The following TMED8 variants were observed in gnomAD, a reference collection of about 807,000 sequenced individuals.
TMED8 encodes transmembrane p24 trafficking protein family member 8.
A neutral mutation model predicts 32.7 loss-of-function variants in TMED8; 15 were observed. The ratio of observed to expected loss-of-function variants is 0.46; its 90% CI spans 0.31 to 0.71. The LOEUF is 0.71. TMED8 is among the 30% of genes least tolerant of loss of function. TMED8 has a pLI of 0.06. For missense variants in TMED8, 390 were observed against 423.9 expected, an observed-to-expected ratio of 0.92 and a Z score of 0.70; for synonymous variants, 147 against 161.4, an observed-to-expected ratio of 0.91 and a Z score of 0.68.
rs959936219 is a variant in TMED8, at chr14:77,349,173, T to C, written c.197+2500A>G. On this transcript the variant is annotated intron_variant, in intron 2 of 5. Coordinates refer to ENST00000216468, the MANE Select transcript of TMED8 (RefSeq NM_213601.3). ...TCGCCCAAGCTGGGGTGTAGTGGCA[T>C]GATCTCGGATCTCGGCTCACTGCAA... Among the ~76,000 whole-genome samples, 4 of 140,064 alleles carry C rather than the reference T, an allele frequency of 2.9e-5. No homozygotes were observed. The Admixed American group carries it at 3.2e-4, about 11-fold the overall frequency. 91.9% of individuals were successfully genotyped at this position (140,064 alleles called of 152,430 possible).
At chr14:77,344,121 C>G (rs181848226) in intron 3 of TMED8, among the ~76,000 whole-genome samples, 1 of 152,330 alleles carries the variant, frequency 6.6e-6, no homozygotes, top group African/African-American at 2.4e-5. Context: ...AGGTTGTTAA[C>G]AGTATTTGCA....
In TMED8 at chr14:77,376,483, G is replaced by A. The variant is rs757538658; in HGVS notation, c.118+453C>T. ...GGCAAGGCTGCCAACCCGGGTGGGG[G>A]CCGAGAGGCGCGTGGTAAGGCTGGG... On this transcript the variant is annotated intron_variant, in intron 1 of 5. Coordinates refer to ENST00000216468, the MANE Select transcript of TMED8 (RefSeq NM_213601.3). This position sits in a 1 kb window ranked among gnomAD's most constrained non-coding sequence, Gnocchi z 4.0. 1.3e-5 allele frequency among the ~76,000 whole-genome samples: 2 copies of A among 152,226 alleles called. No individual in the cohort carries two copies. The highest frequency in any genetic ancestry group is 2.4e-5 in the African/African-American group (1 of 41,460).
chr14:77,358,120 T>C (rs1349981521), intron 1 of TMED8, among the ~76,000 whole-genome samples: 19 of 92,812 alleles, frequency 2.0e-4, no homozygotes, highest in African/African-American at 8.3e-4. Flanking sequence ...TGAGGCTCTG[T>C]CTCCAAAAAA....
chr14:77,341,775 C>G lies in TMED8; in HGVS notation c.974G>C (p.Ser325Thr), dbSNP rs777979008. Residue 325 changes from serine (S) to threonine (T), a missense_variant, in exon 6 of 6, where the codon AGC becomes ACC. Ser to Thr is a moderately conservative substitution (Grantham distance 58). Transcript: ENST00000216468. The stretch of plus-strand genomic sequence containing the variant: ...TGCCCCTGTCCCAGCAGTCCTTCAG[C>G]TGGTGTAGTAGATGTGGAAGTAGAG... ...KTLYFHIYYT[S>T] 6.2e-7 allele frequency: 1 copy of G among 1,614,202 alleles called. No homozygotes were observed. The highest frequency in any genetic ancestry group is 8.5e-7 in the Non-Finnish European group (1 of 1,180,022).
rs1292304664 is a variant in TMED8 at position 77,341,785 on chromosome 14, A to G, written c.964T>C (p.Tyr322His). 1.2e-6 allele frequency: 2 copies of G among 1,614,144 alleles called. No individual in the cohort carries two copies. Among genetic ancestry groups the G allele is most frequent in the Admixed American group, 3.3e-5 (2 of 60,020 alleles). The change falls in exon 6 of 6, where the codon TAC becomes CAC. Residue 322 changes from tyrosine (Y) to histidine (H), a missense_variant. Tyr to His is a moderately conservative substitution (Grantham distance 83, BLOSUM62 2). Coordinates refer to ENST00000216468, the MANE Select transcript of TMED8 (RefSeq NM_213601.3). Reference sequence around the variant, plus strand: ...CCAGCAGTCCTTCAGCTGGTGTAGTAGATGTGGAAGTAGAGAGTCTTGTTG... The same window carrying G: ...CCAGCAGTCCTTCAGCTGGTGTAGTGGATGTGGAAGTAGAGAGTCTTGTTG... ...LRNKTLYFHI[Y>H]YTS
Position 77,340,802 on chromosome 14 carries a change from T to C in TMED8, c.*969A>G, listed in dbSNP as rs1892878190. ...GAAACCTGATTGGGTTTCACTGCAT[T>C]TGATTCCAAAGCAACATTTCTAAAC... On this transcript the variant is annotated 3_prime_UTR_variant, in exon 6 of 6. Coordinates refer to ENST00000216468, the MANE Select transcript of TMED8 (RefSeq NM_213601.3). 6.6e-6 allele frequency: 1 copy of C among 152,194 alleles called. No individual in the cohort carries two copies. Among genetic ancestry groups the C allele is most frequent in the Non-Finnish European group, 1.5e-5 (1 of 68,036 alleles). 9.4% of individuals were successfully genotyped at this position (152,194 alleles called of 1,614,324 possible). A position where few individuals can be genotyped will look rare whatever the true frequency, so the allele number is the denominator to read the frequency against.
At chr14:77,368,598 C>A (rs1215130265) in intron 1 of TMED8, among the ~76,000 whole-genome samples, 1 of 152,168 alleles carries the variant, frequency 6.6e-6, no homozygotes, top group Non-Finnish European at 1.5e-5. Flanking sequence ...CGGCCTCAGC[C>A]TCCCTAGTAG....
Position 77,376,992 on chromosome 14 carries a change from G to A in TMED8, c.62C>T (p.Ser21Leu). ...CTGGCAGTCCCCGACGCCGCCAGCCGACCCTGGGCGGGCTGTGGGGCTCCA... is the reference window on the plus strand; with the variant it reads ...CTGGCAGTCCCCGACGCCGCCAGCCAACCCTGGGCGGGCTGTGGGGCTCCA... ...GSWSPTARPG[S>L]AGGVGDCQGV... Residue 21 changes from serine (S) to leucine (L), a missense_variant, in exon 1 of 6, where the codon TCG becomes TTG. Transcript: ENST00000216468. This position sits in a 1 kb window ranked among gnomAD's most constrained non-coding sequence, Gnocchi z 4.0. 2 of 1,440,932 alleles carry A rather than the reference G, an allele frequency of 1.4e-6. No individual in the cohort carries two copies. The highest frequency in any genetic ancestry group is 1.5e-5 in the African/African-American group (1 of 67,278). The allele number at this position is 1,440,932 out of a possible 1,614,324, so 89.3% of individuals were successfully genotyped here.
At chr14:77,342,025 G>C (rs776186023) in intron 5 of TMED8, 37 bp from the exon 6 acceptor site, 17 of 1,594,106 alleles carry the variant, frequency 1.1e-5, no homozygotes, top group Admixed American at 8.5e-5. Flanking sequence ...CAGAGACTGC[G>C]TAAGTCCTGC....
chr14:77,364,678 C>T (rs1893511259), intron 1 of TMED8, among the ~76,000 whole-genome samples: 1 of 152,188 alleles, frequency 6.6e-6, no homozygotes, highest in African/African-American at 2.4e-5. Flanking sequence ...CAGGCACCCT[C>T]ACCACCCCCA....
chr14:77,360,465 C>T (rs1377691978), intron 1 of TMED8, among the ~76,000 whole-genome samples: 3 of 150,848 alleles, frequency 2.0e-5, no homozygotes, highest in African/African-American at 7.3e-5. Flanking sequence ...CTTTTTGTGT[C>T]TGGCTTATTT....
At position 77,346,249 on chromosome 14, in the gene TMED8, G is replaced by C. The variant is rs931252467; in HGVS notation, c.327+100C>G. 2.3e-6 allele frequency: 3 copies of C among 1,278,412 alleles called. No individual in the cohort carries two copies. In the East Asian group the frequency reaches 7.5e-5, roughly 32 times the overall value. The allele number at this position is 1,278,412 out of a possible 1,614,324, so 79.2% of individuals were successfully genotyped here. ...AATTAGAGGGCAAAGAGAGAATTCCGGGAGCCACCCTCGCAGTGCTTTCTA... is the reference window on the plus strand; with the variant it reads ...AATTAGAGGGCAAAGAGAGAATTCCCGGAGCCACCCTCGCAGTGCTTTCTA... On this transcript the variant is annotated intron_variant, in intron 3 of 5. Transcript: ENST00000216468.
At chr14:77,364,468 C>T (rs1411529404) in intron 1 of TMED8, among the ~76,000 whole-genome samples, 1 of 152,118 alleles carries the variant, frequency 6.6e-6, no homozygotes, top group Non-Finnish European at 1.5e-5. Context: ...TGGTCTCAAA[C>T]TCCTAGGCTC....
intron 2 of TMED8, among the ~76,000 whole-genome samples, chr14:77,350,773 C>T (rs1329295091): frequency 4.6e-5 from 7 of 152,040 alleles, no homozygotes; most frequent in Admixed American, 2.6e-4. Flanking sequence ...GACTGCCTAC[C>T]GTGCTCCAGC....
chr14:77,336,577 A>C lies in TMED8; in HGVS notation c.*5194T>G, dbSNP rs949504410. The C allele has an allele frequency of 2.0e-5, 3 of 152,228 alleles. No homozygotes were observed. Among genetic ancestry groups the C allele is most frequent in the Admixed American group, 6.5e-5 (1 of 15,288 alleles). 9.4% of individuals were successfully genotyped at this position (152,228 alleles called of 1,614,324 possible). On this transcript the variant is annotated 3_prime_UTR_variant, in exon 6 of 6. Transcript: ENST00000216468. ...GACAATGCAACACTTGAGAGGCAGCAGTGATTTCTGAGCAAAATTCTAAGA... is the reference window on the plus strand; with the variant it reads ...GACAATGCAACACTTGAGAGGCAGCCGTGATTTCTGAGCAAAATTCTAAGA...
At position 77,341,970 on chromosome 14, in the gene TMED8, T is replaced by C; in HGVS notation, c.779A>G (p.Asp260Gly). ...GGAGCTCCTGGAGCCTCTCTCCACA[T>C]CTCCAGCTGGAACGGGTTCTGCGTG... ...EEIEEPVPAG[D>G]VERGSRSSLR... The change falls in exon 6 of 6, where the codon GAT (aspartate) becomes GGT (glycine). Residue 260 changes from aspartate (D) to glycine (G), a missense_variant. By Grantham distance (94) the Asp-to-Gly change is moderately conservative. Transcript: ENST00000216468. 1 of 1,613,784 alleles carries C rather than the reference T, an allele frequency of 6.2e-7. No homozygotes were observed. The highest frequency in any genetic ancestry group is 8.5e-7 in the Non-Finnish European group (1 of 1,179,972).
intron 1 of TMED8, chr14:77,359,827 G>T: frequency 5.3e-6 from 1 of 189,848 alleles, no homozygotes; most frequent in Non-Finnish European, 1.1e-5. Context: ...ATCATCATGG[G>T]CACTCTGACA....
At chr14:77,355,288 G>A (rs551332627) in intron 1 of TMED8, among the ~76,000 whole-genome samples, 4 of 150,540 alleles carry the variant, frequency 2.7e-5, no homozygotes, top group South Asian at 2.1e-4. Flanking sequence ...CTCTGTCTCC[G>A]TGTTCAAGCG....
At position 77,337,393 on chromosome 14, in the gene TMED8, A is replaced by ATT. The variant is rs111715816; in HGVS notation, c.*4376_*4377dup. On this transcript the variant is annotated 3_prime_UTR_variant, in exon 6 of 6. Transcript: ENST00000216468. ...CTTGAAAGATGGAGACCAAGAAACA[A>ATT]TTTTTTTTTTTTTGAGACGGAATCT... 2 of 145,986 alleles carry ATT rather than the reference A, an allele frequency of 1.4e-5. No homozygotes were observed. Among genetic ancestry groups the ATT allele is most frequent in the African/African-American group, 2.5e-5 (1 of 39,904 alleles). The allele number at this position is 145,986 out of a possible 1,614,324, so 9.0% of individuals were successfully genotyped here. A position where few individuals can be genotyped will look rare whatever the true frequency, so the allele number is the denominator to read the frequency against.
Sources: allele counts gnomAD v4.1 joint callset (sites outside exome capture counted in the v4.1 genomes callset), GRCh38; gene constraint gnomAD v4.1.1; non-coding constraint Gnocchi (gnomAD v3.1); transcripts MANE v1.5; gene names NCBI Gene and HGNC (gene_info 2026-07-23, HGNC 2026-07-21).